The following UNC13C variants were observed in gnomAD, a reference collection of about 807,000 sequenced individuals.
UNC13C encodes the protein unc-13 homolog C.
Under a neutral mutation model 245.4 loss-of-function variants are expected in UNC13C, and 174 were observed. That is an observed-to-expected ratio of 0.71 (90% CI 0.63 to 0.80). The LOEUF (loss-of-function observed/expected upper bound fraction) is 0.80, where lower values mean the gene tolerates loss of function less well. Among genes scored for constraint, UNC13C ranks in the 30% least tolerant of loss-of-function variants. UNC13C has a pLI of 0.00. For synonymous variants in UNC13C, 992 were observed against 895.1 expected (o/e 1.11, Z -1.93); for missense variants, 2,829 against 2,602.9 (o/e 1.09, Z -1.89).
the UNC13C span, among the ~76,000 whole-genome samples, chr15:53,946,459 T>C: frequency 1.3e-5 from 2 of 151,264 alleles, no homozygotes; most frequent in Non-Finnish European, 1.5e-5. Context: ...TTGTTTTTTT[T>C]TTTTTTTAAA....
chr15:54,209,503 C>A lies in UNC13C; in HGVS notation c.3072-25527C>A, dbSNP rs188165602. On this transcript the variant is annotated intron_variant, in intron 4 of 32. Coordinates refer to ENST00000260323, the MANE Select transcript of UNC13C (RefSeq NM_001080534.3). ...TCACGGCTCACTGCAGACTGGAACA[C>A]CCAGGCTCAGATGATCCTCCCTCCT... Among the ~76,000 whole-genome samples the A allele has an allele frequency of 7.6e-4, 116 of 152,036 alleles. 1 individual carries two copies. Among genetic ancestry groups the A allele is most frequent in the Middle Eastern group, 3.4e-3 (1 of 294 alleles).
At chr15:54,059,515 A>C (rs1595786823) in intron 2 of UNC13C, among the ~76,000 whole-genome samples, 1 of 152,222 alleles carries the variant, frequency 6.6e-6, no homozygotes, top group Non-Finnish European at 1.5e-5. Flanking sequence ...GGAAGAATCA[A>C]TATCGTGAAA....
chr15:53,959,393 T>A, the UNC13C span, among the ~76,000 whole-genome samples: 1 of 152,172 alleles, frequency 6.6e-6, no homozygotes, highest in African/African-American at 2.4e-5. Flanking sequence ...GCTGTACTAC[T>A]TTACATTCCC....
intron 2 of UNC13C, among the ~76,000 whole-genome samples, chr15:54,062,731 A>G (rs1257538667): frequency 6.6e-6 from 1 of 152,218 alleles, no homozygotes; most frequent in Non-Finnish European, 1.5e-5. Context: ...CTGCTGTTAG[A>G]AACTCTACTG....
chr15:54,447,721 C>T (rs190632098), intron 19 of UNC13C, among the ~76,000 whole-genome samples: 1 of 152,206 alleles, frequency 6.6e-6, no homozygotes, highest in African/African-American at 2.4e-5. Flanking sequence ...TTCAAAAAAA[C>T]CAGCTCCTGG....
At chr15:53,968,605 G>A in the UNC13C span, among the ~76,000 whole-genome samples, 1 of 152,090 alleles carries the variant, frequency 6.6e-6, no homozygotes, top group Non-Finnish European at 1.5e-5. Flanking sequence ...AGGAAGCTGA[G>A]GAAAGATCCT....
At chr15:53,998,897 A>C (rs1177735269) in intron 1 of UNC13C, among the ~76,000 whole-genome samples, 1 of 151,980 alleles carries the variant, frequency 6.6e-6, no homozygotes, top group Non-Finnish European at 1.5e-5. Context: ...TAATGTGTTC[A>C]ATTGCATGAC....
At chr15:54,504,931 C>G (rs1894400057) in intron 22 of UNC13C, among the ~76,000 whole-genome samples, 1 of 152,154 alleles carries the variant, frequency 6.6e-6, no homozygotes, top group Non-Finnish European at 1.5e-5. Context: ...CAATGCTCCA[C>G]CAGTACCTGT....
intron 2 of UNC13C, chr15:54,048,723 C>T: frequency 3.6e-6 from 1 of 280,910 alleles, no homozygotes; most frequent in Non-Finnish European, 7.3e-6. Flanking sequence ...TTTTGAACTG[C>T]CTCCATATTC....
intron 19 of UNC13C, among the ~76,000 whole-genome samples, chr15:54,428,735 A>T (rs763756422): frequency 2.0e-5 from 3 of 151,648 alleles, no homozygotes; most frequent in Middle Eastern, 6.8e-3. Flanking sequence ...TCTGTGCTAG[A>T]TCTGAAGTGG....
the UNC13C span, among the ~76,000 whole-genome samples, chr15:53,872,763 T>G: frequency 0.017 from 2,603 of 152,278 alleles, 52 homozygotes; most frequent in East Asian, 0.084. Flanking sequence ...AATTCAAGAT[T>G]CTTACAATCT....
At chr15:54,053,812 G>C (rs116807200) in intron 2 of UNC13C, among the ~76,000 whole-genome samples, 1,662 of 151,800 alleles carry the variant, frequency 0.011, 32 homozygotes, top group African/African-American at 0.039. Context: ...CTAGCTTCTG[G>C]TAACCACCGT....
At chr15:54,319,829 C>T (rs1036082787) in intron 13 of UNC13C, among the ~76,000 whole-genome samples, 1 of 149,138 alleles carries the variant, frequency 6.7e-6, no homozygotes, top group Non-Finnish European at 1.5e-5. Flanking sequence ...TCACTTTTAT[C>T]ATAAGCTGTG....
At chr15:54,050,913 G>C (rs1401292184) in intron 2 of UNC13C, 2 of 549,356 alleles carry the variant, frequency 3.6e-6, no homozygotes, top group Non-Finnish European at 7.4e-6. Flanking sequence ...AATGCCACTT[G>C]ATTGTATTTA....
intron 2 of UNC13C, among the ~76,000 whole-genome samples, chr15:54,054,502 G>A (rs1485799661): frequency 1.3e-5 from 2 of 152,134 alleles, no homozygotes; most frequent in Non-Finnish European, 2.9e-5. Context: ...ATTTTATACT[G>A]TAAAAACATG....
intron 30 of UNC13C, among the ~76,000 whole-genome samples, chr15:54,575,967 G>C (rs1897941762): frequency 6.6e-6 from 1 of 152,188 alleles, no homozygotes; most frequent in South Asian, 2.1e-4. Context: ...AGCAGTCAAA[G>C]AGCTATGCAC....
rs182112384 is a variant in UNC13C at position 54,576,325 on chromosome 15, A to C, written c.6106+8378A>C. ...TCAGTCTATCATTATTCCTTCCCACAGCCTATGCTTTCTTCTCCCTAGCTT... is the reference window on the plus strand; with the variant it reads ...TCAGTCTATCATTATTCCTTCCCACCGCCTATGCTTTCTTCTCCCTAGCTT... On this transcript the variant is annotated intron_variant, in intron 30 of 32. Coordinates refer to ENST00000260323, the MANE Select transcript of UNC13C (RefSeq NM_001080534.3). Among the ~76,000 whole-genome samples, 289 of 152,296 alleles carry C rather than the reference A, an allele frequency of 1.9e-3. 1 individual carries two copies. The highest frequency in any genetic ancestry group is 0.01 in the Middle Eastern group (3 of 294).
chr15:54,621,066 G>A (rs1421267196), intron 30 of UNC13C, among the ~76,000 whole-genome samples: 1 of 152,156 alleles, frequency 6.6e-6, no homozygotes, highest in Non-Finnish European at 1.5e-5. Context: ...TCAAATGGCT[G>A]TGCCAAGGAG....
chr15:54,195,732 G>T (rs1014809130), intron 4 of UNC13C, among the ~76,000 whole-genome samples: 6 of 152,104 alleles, frequency 3.9e-5, no homozygotes, highest in South Asian at 2.1e-4. Flanking sequence ...TAGCAAAGTG[G>T]TTTTGTTGTA....
Sources: allele counts gnomAD v4.1 joint callset (sites outside exome capture counted in the v4.1 genomes callset), GRCh38; gene constraint gnomAD v4.1.1; transcripts MANE v1.5; gene names NCBI Gene and HGNC (gene_info 2026-07-23, HGNC 2026-07-21).